The following LONP1 variants were observed in gnomAD, a reference collection of about 807,000 sequenced individuals.
LONP1 encodes the protein lon protease homolog, mitochondrial.
Under a neutral mutation model 98.5 loss-of-function variants are expected in LONP1, and 31 were observed. That is an observed-to-expected ratio of 0.31 (90% CI 0.24 to 0.42). The LOEUF (loss-of-function observed/expected upper bound fraction) is 0.42, where lower values mean the gene tolerates loss of function less well. Among genes scored for constraint, LONP1 ranks in the 20% least tolerant of loss-of-function variants. The probability of loss-of-function intolerance (pLI) is 1.00; values close to 1 mark genes in which losing one functional copy is unlikely to be tolerated. For missense variants in LONP1, 1,336 were observed against 1,350.6 expected (o/e 0.99, Z 0.17); for synonymous variants, 781 against 594.7 (o/e 1.31, Z -4.56).
intron 9 of LONP1, among the ~76,000 whole-genome samples, chr19:5,700,032 G>A (rs1012376332): frequency 6.6e-6 from 1 of 152,024 alleles, no homozygotes; most frequent in Non-Finnish European, 1.5e-5. Context: ...TCCACCTCCC[G>A]GGCTCAAGCA....
intron 8 of LONP1, among the ~76,000 whole-genome samples, chr19:5,702,741 CAT>C (rs1245193507): frequency 1.3e-5 from 2 of 151,988 alleles, no homozygotes; most frequent in East Asian, 3.9e-4. Context: ...CTCTCTGAAA[CAT>C]GTGCTGTGTC....
At chr19:5,712,385 C>T (rs536170995) in intron 3 of LONP1, 2 of 204,286 alleles carry the variant, frequency 9.8e-6, no homozygotes, top group African/African-American at 2.3e-5. Context: ...CATAGCAGCT[C>T]CTTCCTGTTG....
chr19:5,697,383 C>T (rs1017108186), intron 10 of LONP1, among the ~76,000 whole-genome samples: 6 of 151,578 alleles, frequency 4.0e-5, no homozygotes, highest in East Asian at 1.9e-4. Context: ...GAGAGAGCCA[C>T]GTGAGGGTCT....
chr19:5,698,537 G>C (rs1355796578), intron 10 of LONP1, among the ~76,000 whole-genome samples: 1 of 152,212 alleles, frequency 6.6e-6, no homozygotes, highest in African/African-American at 2.4e-5. Flanking sequence ...GCCGGGACGA[G>C]TGAGCCCACA....
intron 4 of LONP1, 38 bp downstream of exon 4, chr19:5,711,733 A>G (rs763703201): frequency 2.6e-6 from 4 of 1,543,192 alleles, no homozygotes; most frequent in Non-Finnish European, 3.6e-6. Context: ...CCCGTGGGGG[A>G]GGCAGCTGTG....
chr19:5,708,312 G>A (rs556397650), intron 5 of LONP1, 30 bp downstream of exon 5: 113 of 1,587,062 alleles, frequency 7.1e-5, no homozygotes, highest in Non-Finnish European at 8.7e-5. Context: ...AGATGCCCCC[G>A]CCTGGCCAGC....
At chr19:5,710,731 A>G (rs545380516) in intron 4 of LONP1, among the ~76,000 whole-genome samples, 46 of 152,256 alleles carry the variant, frequency 3.0e-4, no homozygotes, top group African/African-American at 1.1e-3. Flanking sequence ...TCAAGTGCTC[A>G]ATACTCACAG....
rs1379616667 is a variant in LONP1, at chr19:5,719,746, G to A, written c.387C>T (p.Ile129=). 7 of 1,613,736 alleles carry A rather than the reference G, an allele frequency of 4.3e-6. No homozygotes were observed. The highest frequency in any genetic ancestry group is 5.9e-6 in the Non-Finnish European group (7 of 1,180,038). ...DVFPHLPLIA[I]TRNPVFPRFI... ...AGCGCGGGAACACCGGGTTGCGGGT[G>A]ATGGCGATGAGCGGCAGGTGCGGAA... Residue 129 remains isoleucine, a synonymous_variant, in exon 1 of 18, where the codon ATC becomes ATT. Coordinates refer to ENST00000360614, the MANE Select transcript of LONP1 (RefSeq NM_004793.4).
chr19:5,693,059 A>AC (rs988401975), intron 17 of LONP1, among the ~76,000 whole-genome samples: 54 of 151,738 alleles, frequency 3.6e-4, no homozygotes, highest in East Asian at 5.8e-4. Flanking sequence ...AGCAGGAGCC[A>AC]CCCCCCCAAT....
chr19:5,694,966 G>A, intron 13 of LONP1, 65 bp from the exon 14 acceptor site: 2 of 1,534,686 alleles, frequency 1.3e-6, no homozygotes, highest in Non-Finnish European at 1.8e-6. Context: ...TCTAGAACCT[G>A]GGAGCCAATG....
chr19:5,700,884 C>A lies in LONP1; in HGVS notation c.1411G>T (p.Gly471Cys). ...YLDWLTSIPW[G>C]KYSNENLDLA... is the part of the protein sequence containing the mutation. ...TCCAGGTTCTCGTTGCTGTACTTGC[C>A]CCAAGGGATGGACGTGAGCCAGTCT... The change falls in exon 9 of 18, where the codon GGC (glycine) becomes TGC (cysteine). Residue 471 changes from glycine (G) to cysteine (C), a missense_variant. This residue lies in a region of LONP1 where 219 missense variants were observed against 241.0 expected (regional missense o/e 0.91). Coordinates refer to ENST00000360614, the MANE Select transcript of LONP1 (RefSeq NM_004793.4). 5 of 1,614,202 alleles carry A rather than the reference C, an allele frequency of 3.1e-6. No individual in the cohort carries two copies. The highest frequency in any genetic ancestry group is 4.2e-6 in the Non-Finnish European group (5 of 1,180,036).
chr19:5,717,891 C>CTTTCTT (rs1555714412), intron 1 of LONP1, among the ~76,000 whole-genome samples: 8 of 133,266 alleles, frequency 6.0e-5, no homozygotes, highest in Non-Finnish European at 1.1e-4. Flanking sequence ...TTCTTTCTTT[C>CTTTCTT]TTTTTTTTTT....
At chr19:5,693,140 G>A (rs558152290) in intron 17 of LONP1, among the ~76,000 whole-genome samples, 158 bp downstream of exon 17, 14 of 152,300 alleles carry the variant, frequency 9.2e-5, no homozygotes, top group South Asian at 6.2e-4. Context: ...CAGCTAGGGC[G>A]GTGAGCTTAA....
Position 5,691,975 on chromosome 19 carries a change from C to CTCAGTTCTGGCCCAGACAGGGCCTGACAT in LONP1, c.*28_*56dup. On this transcript the variant is annotated 3_prime_UTR_variant, in exon 18 of 18. Coordinates refer to ENST00000360614, the MANE Select transcript of LONP1 (RefSeq NM_004793.4). ...AGGTCCGGGCGCGCTCCCCACAGCG[C>CTCAGTTCTGGCCCAGACAGGGCCTGACAT]TCAGTTCTGGCCCAGACAGGGCCTG... is the stretch of plus-strand genomic sequence containing the variant. 2 of 895,754 alleles carry CTCAGTTCTGGCCCAGACAGGGCCTGACAT rather than the reference C, an allele frequency of 2.2e-6. No homozygotes were observed. Among genetic ancestry groups the CTCAGTTCTGGCCCAGACAGGGCCTGACAT allele is most frequent in the Non-Finnish European group, 3.2e-6 (2 of 616,484 alleles). The allele number at this position is 895,754 out of a possible 1,614,324, so 55.5% of individuals were successfully genotyped here.
At chr19:5,708,448 G>T in intron 4 of LONP1, 45 bp from the exon 5 acceptor site, 1 of 1,258,424 alleles carries the variant, frequency 7.9e-7, no homozygotes. Flanking sequence ...CAGTGCTCCA[G>T]CAGGGGGTGG....
At position 5,713,208 on chromosome 19, in the gene LONP1, C is replaced by T. The variant is rs374317329; in HGVS notation, c.564G>A (p.Thr188=). 4.2e-5 allele frequency: 68 copies of T among 1,614,172 alleles called. No homozygotes were observed. Among genetic ancestry groups the T allele is most frequent in the South Asian group, 4.1e-4 (37 of 91,084 alleles). ...VVESLDEIYH[T]GTFAQIHEMQ... Reference sequence around the variant, plus strand: ...TCTCATGGATCTGGGCAAACGTCCCCGTGTGGTAGATTTCATCCAGGCTCT... The same window carrying T: ...TCTCATGGATCTGGGCAAACGTCCCTGTGTGGTAGATTTCATCCAGGCTCT... Residue 188 remains threonine (T), a synonymous_variant, in exon 3 of 18, where the codon ACG becomes ACA. Coordinates refer to ENST00000360614, the MANE Select transcript of LONP1 (RefSeq NM_004793.4).
rs753388578 is a variant in LONP1 at position 5,696,687 on chromosome 19, G to T, written c.1756C>A (p.Leu586Met). 6.2e-6 allele frequency: 10 copies of T among 1,613,614 alleles called. No individual in the cohort carries two copies. The highest frequency in any genetic ancestry group is 8.5e-6 in the Non-Finnish European group (10 of 1,179,910). ...GCACGCACCTCGTCGATGAGGATCA[G>T]GGGGTTCTCCGTCTTGGTCTTCTTC... ...CLKKTKTENP[L>M]ILIDEVDKIG... is the part of the protein sequence containing the mutation. The change falls in exon 11 of 18, where the codon CTG becomes ATG. Residue 586 changes from leucine to methionine, a missense_variant. By Grantham distance (15) the Leu-to-Met change is conservative. This residue lies in a region of LONP1 where 555 missense variants were observed against 542.6 expected (regional missense o/e 1.02). Transcript: ENST00000360614.
At position 5,696,100 on chromosome 19, in the gene LONP1, A is replaced by G. The variant is rs920374909; in HGVS notation, c.1967T>C (p.Ile656Thr). The change falls in exon 13 of 18, where the codon ATC (isoleucine) becomes ACC (threonine). Residue 656 changes from isoleucine to threonine, a missense_variant. Around this residue, in one of 5 missense-constraint regions of LONP1, gnomAD observed 555 missense variants for 542.6 expected, o/e 1.02. Transcript: ENST00000360614. ...CTGGGCCACGTAGCCCGACACGTTG[A>G]TCATCTCCATACGGTCTCGCAGCGG... ...PEPLRDRMEM[I>T]NVSGYVAQEK... The G allele has an allele frequency of 1.2e-6, 2 of 1,613,058 alleles. No individual in the cohort carries two copies.
rs117922445 is a variant in LONP1 at position 5,695,463 on chromosome 19, C to T, written c.2014-562G>A. On this transcript the variant is annotated intron_variant, in intron 13 of 17. Transcript: ENST00000360614. ...CAGTCCTGTCCCCAGGAACTACAGGCCCGTCCCTTGGAGAAGTCAGGCTGG... is the reference window on the plus strand; with the variant it reads ...CAGTCCTGTCCCCAGGAACTACAGGTCCGTCCCTTGGAGAAGTCAGGCTGG... 2.8e-3 allele frequency among the ~76,000 whole-genome samples: 428 copies of T among 152,280 alleles called. 1 individual carries two copies. Among genetic ancestry groups the T allele is most frequent in the Non-Finnish European group, 4.1e-3 (280 of 68,014 alleles).
Sources: allele counts gnomAD v4.1 joint callset (sites outside exome capture counted in the v4.1 genomes callset), GRCh38; gene constraint gnomAD v4.1.1; regional missense constraint gnomAD v4.1.1; transcripts MANE v1.5; gene names NCBI Gene and HGNC (gene_info 2026-07-23, HGNC 2026-07-21).